Variants in AXDND1 observed in about 807,000 individuals in gnomAD.
The protein encoded by AXDND1 is axonemal dynein light chain domain containing 1.
In AXDND1, 110 loss-of-function variants were observed where a neutral mutation model predicts 137.5. That is an observed-to-expected ratio of 0.80 (90% CI 0.69 to 0.94). The LOEUF is 0.94. AXDND1 is among the 40% of genes least tolerant of loss of function. AXDND1 has a pLI of 0.00. For synonymous variants in AXDND1, 414 were observed against 399.7 expected (o/e 1.04, Z -0.43); for missense variants, 1,191 against 1,169.8 (o/e 1.02, Z -0.26).
chr1:179,401,463 T>C (rs1483797545), intron 11 of AXDND1, among the ~76,000 whole-genome samples: 2 of 152,090 alleles, frequency 1.3e-5, no homozygotes, highest in African/African-American at 4.8e-5. Flanking sequence ...TCTAAAAAAT[T>C]GATTGAAGAG....
At chr1:179,448,247 A>G (rs1437156860) in intron 16 of AXDND1, 1 of 788,750 alleles carries the variant, frequency 1.3e-6, no homozygotes, top group Non-Finnish European at 2.3e-6. Context: ...TATATTCTGT[A>G]TACTTGAGAA....
In AXDND1 at chr1:179,473,293, T is replaced by A. The variant is rs61826029; in HGVS notation, c.1997+4652T>A. On this transcript the variant is annotated intron_variant, in intron 17 of 25. Transcript: ENST00000367618. ...GGGGTGGATCACCTGAGGTCAGGAGTTCAAGACCAGCCTGGCCAACATGGT... is the reference window on the plus strand; with the variant it reads ...GGGGTGGATCACCTGAGGTCAGGAGATCAAGACCAGCCTGGCCAACATGGT... Among the ~76,000 whole-genome samples the A allele has an allele frequency of 3.7e-3, 556 of 151,422 alleles. 3 individuals are homozygous for A. Among genetic ancestry groups the A allele is most frequent in the Non-Finnish European group, 5.0e-3 (338 of 67,858 alleles).
chr1:179,417,255 CAGAT>C (rs2125246633), intron 12 of AXDND1, among the ~76,000 whole-genome samples: 1 of 150,374 alleles, frequency 6.7e-6, no homozygotes, highest in South Asian at 2.1e-4. Flanking sequence ...ACTCCCTTAT[CAGAT>C]AGATAGTTTG....
In AXDND1 at chr1:179,509,294, A is replaced by T; in HGVS notation, c.2389-2A>T. 6.3e-7 allele frequency: 1 copy of T among 1,594,108 alleles called. No individual in the cohort carries two copies. ...TGCTTGTAATCTTTTATCTCTTCTC[A>T]GAAAGAATGTTATGAATGGATCAAC... On this transcript the variant is annotated splice_acceptor_variant, in intron 20 of 25. Coordinates refer to ENST00000367618, the MANE Select transcript of AXDND1 (RefSeq NM_144696.6). LOFTEE classifies it high-confidence loss of function.
At chr1:179,407,906 G>C (rs949024928) in intron 11 of AXDND1, among the ~76,000 whole-genome samples, 1 of 151,960 alleles carries the variant, frequency 6.6e-6, no homozygotes, top group Admixed American at 6.6e-5. Context: ...GTCACTTTAT[G>C]GTGTCCCATA....
At chr1:179,383,363 A>C (rs1049239072) in intron 7 of AXDND1, 79 bp from the exon 8 acceptor site, 47 of 1,026,274 alleles carry the variant, frequency 4.6e-5, no homozygotes, top group Non-Finnish European at 6.7e-5. Context: ...TTCTCTTTAC[A>C]CATATTATAT....
intron 12 of AXDND1, 67 bp downstream of exon 12, chr1:179,411,333 A>G (rs1376322746): frequency 2.0e-6 from 3 of 1,512,590 alleles, no homozygotes; most frequent in Non-Finnish European, 1.8e-6. Context: ...CAGTTTTAAA[A>G]TTTGTTTTTT....
intron 20 of AXDND1, among the ~76,000 whole-genome samples, chr1:179,501,900 AT>A (rs1370839212): frequency 2.0e-5 from 3 of 151,960 alleles, no homozygotes; most frequent in African/African-American, 4.8e-5. Flanking sequence ...GGGTAGGAAA[AT>A]TTTTTTTAAG....
In AXDND1 at chr1:179,506,139, C is replaced by T. The variant is rs76860468; in HGVS notation, c.2389-3157C>T. Among the ~76,000 whole-genome samples the T allele has an allele frequency of 8.7e-3, 1,317 of 152,120 alleles. 41 individuals carry two copies. The highest frequency in any genetic ancestry group is 0.056 in the Admixed American group (851 of 15,274). On this transcript the variant is annotated intron_variant, in intron 20 of 25. Transcript: ENST00000367618. ...TGGAAACTTAGCCAGGCCAGATAAG[C>T]TAGATGGATTTTTTTTTTCAAGTGC...
intron 12 of AXDND1, among the ~76,000 whole-genome samples, chr1:179,426,353 A>T (rs1484488133): frequency 1.3e-5 from 2 of 152,212 alleles, no homozygotes; most frequent in Admixed American, 6.5e-5. Context: ...TCAAATAGCC[A>T]ATAAATATAT....
intron 11 of AXDND1, among the ~76,000 whole-genome samples, chr1:179,409,375 A>T (rs1447767961): frequency 6.6e-6 from 1 of 152,122 alleles, no homozygotes; most frequent in Non-Finnish European, 1.5e-5. Flanking sequence ...TTTTTAAAAA[A>T]ATATGTAAGA....
At chr1:179,438,887 C>T (rs1324606582) in intron 15 of AXDND1, among the ~76,000 whole-genome samples, 2 of 152,128 alleles carry the variant, frequency 1.3e-5, no homozygotes, top group Admixed American at 6.5e-5. Context: ...AATGGGAGTG[C>T]TGCCTTCTAT....
At chr1:179,412,895 A>G (rs982512566) in intron 12 of AXDND1, among the ~76,000 whole-genome samples, 7 of 152,306 alleles carry the variant, frequency 4.6e-5, no homozygotes, top group African/African-American at 1.7e-4. Flanking sequence ...TTCACCATTA[A>G]GTACAATATT....
chr1:179,486,139 A>AAAAAAAAAAAAAAAAAAT lies in AXDND1; in HGVS notation c.2091+2920_2091+2921insAAAAAAAAAAAAAAATAA, dbSNP rs149119239. ...TGTCTCAAAAAAAAAAAAAAAAAAA[A>AAAAAAAAAAAAAAAAAAT]AACCTGATAGAAATGAAAAACACAC... is the stretch of plus-strand genomic sequence containing the variant. On this transcript the variant is annotated intron_variant, in intron 18 of 25. Coordinates refer to ENST00000367618, the MANE Select transcript of AXDND1 (RefSeq NM_144696.6). 2.3e-5 allele frequency among the ~76,000 whole-genome samples: 2 copies of AAAAAAAAAAAAAAAAAAT among 87,770 alleles called. 1 individual carries two copies. Among genetic ancestry groups the AAAAAAAAAAAAAAAAAAT allele is most frequent in the African/African-American group, 7.4e-5 (2 of 26,896 alleles). The allele number at this position is 87,770 out of a possible 152,430, so 57.6% of individuals were successfully genotyped here. A position where few individuals can be genotyped will look rare whatever the true frequency, so the allele number is the denominator to read the frequency against.
At chr1:179,466,381 T>C (rs1169210424) in intron 16 of AXDND1, among the ~76,000 whole-genome samples, 2 of 146,300 alleles carry the variant, frequency 1.4e-5, no homozygotes, top group African/African-American at 5.0e-5. Flanking sequence ...CCCCTTGACC[T>C]CTCAAAGTGC....
chr1:179,484,912 C>A (rs35954891), intron 18 of AXDND1, among the ~76,000 whole-genome samples: 20,986 of 152,170 alleles, frequency 0.14, 1,591 homozygotes, highest in East Asian at 0.35. Context: ...AGACTGCTAA[C>A]CTTGTGCCTG....
chr1:179,446,698 T>C (rs1470669012), intron 16 of AXDND1, among the ~76,000 whole-genome samples: 1 of 152,222 alleles, frequency 6.6e-6, no homozygotes, highest in Non-Finnish European at 1.5e-5. Flanking sequence ...TTATTTAGGT[T>C]GTCTTTTTAT....
intron 15 of AXDND1, among the ~76,000 whole-genome samples, chr1:179,442,502 C>T (rs114357987): frequency 0.016 from 2,512 of 152,266 alleles, 26 homozygotes; most frequent in Non-Finnish European, 0.025. Flanking sequence ...GCGTAATAAC[C>T]TCCTGCAGCA....
intron 16 of AXDND1, chr1:179,456,576 C>T (rs1661439593): frequency 5.1e-6 from 4 of 778,434 alleles, no homozygotes; most frequent in Admixed American, 1.8e-5. Flanking sequence ...AGGGCCACCT[C>T]CTCCATAACC....
Sources: gnomAD v4.1 joint callset for allele counts (sites outside exome capture counted in the v4.1 genomes callset) on GRCh38, gnomAD v4.1.1 for gene constraint, MANE v1.5 for transcripts, NCBI Gene and HGNC (gene_info 2026-07-23, HGNC 2026-07-21) for gene names.